Variants in FTO observed in about 807,000 individuals in gnomAD.
The protein encoded by FTO is alpha-ketoglutarate-dependent dioxygenase FTO.
Under a neutral mutation model 63.9 loss-of-function variants are expected in FTO, and 47 were observed. That is an observed-to-expected ratio of 0.74 (90% CI 0.58 to 0.94). FTO has a LOEUF of 0.94. Ranked by LOEUF, FTO falls within the 40% of genes least tolerant of loss-of-function variation. The pLI is 0.00. For synonymous variants in FTO, 207 were observed against 224.4 expected, an observed-to-expected ratio of 0.92 and a Z score of 0.69; for missense variants, 562 against 618.1, an observed-to-expected ratio of 0.91 and a Z score of 0.96.
rs779497783 is a variant in FTO at position 53,889,000 on chromosome 16, C to G, written c.1239+49C>G. ...GTGTTTTCTGGGCTGCTGTGTTATACAAATCCTCCACTGCCTCATTTGCTT... is the reference window on the plus strand; with the variant it reads ...GTGTTTTCTGGGCTGCTGTGTTATAGAAATCCTCCACTGCCTCATTTGCTT... On this transcript the variant is annotated intron_variant, in intron 7 of 8. Transcript: ENST00000471389. The G allele has an allele frequency of 1.0e-5, 16 of 1,598,110 alleles. No individual in the cohort carries two copies. The East Asian group carries it at 3.6e-4, about 36-fold the overall frequency.
intron 8 of FTO, among the ~76,000 whole-genome samples, chr16:53,983,971 T>A (rs1339195386): frequency 1.3e-5 from 2 of 152,210 alleles, no homozygotes; most frequent in Non-Finnish European, 2.9e-5. Context: ...AGCCACTAGG[T>A]TGTAACTTCA....
chr16:53,977,727 C>T (rs1257023984), intron 8 of FTO, among the ~76,000 whole-genome samples: 1 of 152,130 alleles, frequency 6.6e-6, no homozygotes, highest in East Asian at 1.9e-4. Context: ...ATTTCTTTGA[C>T]ATCTTTATGA....
chr16:54,045,207 G>A (rs371082421), intron 8 of FTO, among the ~76,000 whole-genome samples: 1 of 24,482 alleles, frequency 4.1e-5, no homozygotes, highest in Non-Finnish European at 5.9e-5. Flanking sequence ...TTGATAGACC[G>A]CTAGCAAGAC....
chr16:53,707,889 T>A (rs1235496117), intron 1 of FTO, among the ~76,000 whole-genome samples: 2 of 152,212 alleles, frequency 1.3e-5, no homozygotes, highest in Non-Finnish European at 2.9e-5. Flanking sequence ...TCAATTCTAC[T>A]TCCTCCCTAG....
intron 8 of FTO, among the ~76,000 whole-genome samples, chr16:53,940,182 A>C (rs1463760974): frequency 6.6e-6 from 1 of 151,636 alleles, no homozygotes; most frequent in Non-Finnish European, 1.5e-5. Context: ...TGGACTGTAG[A>C]TATCCTAGTG....
At chr16:53,751,192 G>C (rs1243588070) in intron 1 of FTO, among the ~76,000 whole-genome samples, 2 of 151,976 alleles carry the variant, frequency 1.3e-5, no homozygotes, top group African/African-American at 4.8e-5. Context: ...GAGATCACTT[G>C]AGCTCAGGAG....
intron 1 of FTO, among the ~76,000 whole-genome samples, chr16:53,770,366 G>A (rs934891573): frequency 5.3e-5 from 8 of 152,116 alleles, no homozygotes; most frequent in African/African-American, 1.9e-4. Context: ...ATTATAATTA[G>A]TCATAAATGA....
chr16:53,811,130 T>C (rs1353969261), intron 2 of FTO, among the ~76,000 whole-genome samples: 1 of 152,096 alleles, frequency 6.6e-6, no homozygotes, highest in Non-Finnish European at 1.5e-5. Context: ...GGGGTTGGAG[T>C]GAGAGTACTC....
intron 3 of FTO, among the ~76,000 whole-genome samples, chr16:53,837,850 C>A (rs966425106): frequency 3.3e-5 from 5 of 152,182 alleles, no homozygotes; most frequent in African/African-American, 1.2e-4. Context: ...ACAGATCTGA[C>A]TGGTGAAAAA....
intron 1 of FTO, among the ~76,000 whole-genome samples, chr16:53,710,100 G>A (rs968399320): frequency 6.6e-6 from 1 of 151,808 alleles, no homozygotes; most frequent in African/African-American, 2.4e-5. Context: ...GTCCTTTCAT[G>A]TCCTTTAAAT....
chr16:53,839,817 T>TTATTTATA (rs1276282851), intron 3 of FTO, among the ~76,000 whole-genome samples: 1 of 62,788 alleles, frequency 1.6e-5, no homozygotes, highest in African/African-American at 8.1e-5. Context: ...ATTTATTTAT[T>TTATTTATA]TATTTTAAGG....
intron 8 of FTO, among the ~76,000 whole-genome samples, chr16:54,015,027 A>AT (rs11388596): frequency 0.32 from 47,642 of 149,680 alleles, 9,532 homozygotes; most frequent in African/African-American, 0.56. Context: ...GGCTAATTAA[A>AT]TTTTTTTTTT....
intron 8 of FTO, among the ~76,000 whole-genome samples, chr16:53,986,582 T>C (rs1303731400): frequency 1.3e-5 from 2 of 152,230 alleles, no homozygotes; most frequent in Non-Finnish European, 2.9e-5. Flanking sequence ...AGTTGGGAGC[T>C]GATTTCTGAT....
At chr16:54,074,351 A>C (rs925865250) in intron 8 of FTO, among the ~76,000 whole-genome samples, 5 of 152,192 alleles carry the variant, frequency 3.3e-5, no homozygotes, top group Non-Finnish European at 7.3e-5. Context: ...AGTATAAAAC[A>C]GAAAGGAAAA....
chr16:53,826,176 C>A lies in FTO; in HGVS notation c.436C>A (p.Leu146Met), dbSNP rs182784714. The change falls in exon 3 of 9, where the codon CTG becomes ATG. Residue 146 changes from leucine to methionine, a missense_variant. Physicochemically the swap from Leu to Met is conservative, Grantham distance 15. Coordinates refer to ENST00000471389, the MANE Select transcript of FTO (RefSeq NM_001080432.3). ...CETFLKLNDY[L>M]QIETIQALEE... is the part of the protein sequence containing the mutation. ...GACCTTCCTCAAGCTCAATGACTACCTGCAGATAGAAACCATCCAGGCTTT... is the reference window on the plus strand; with the variant it reads ...GACCTTCCTCAAGCTCAATGACTACATGCAGATAGAAACCATCCAGGCTTT... 903 of 1,614,052 alleles carry A rather than the reference C, an allele frequency of 5.6e-4. 1 individual carries two copies. The highest frequency in any genetic ancestry group is 7.1e-4 in the Non-Finnish European group (835 of 1,180,038).
At chr16:53,783,843 C>T (rs898948899) in intron 1 of FTO, among the ~76,000 whole-genome samples, 41 of 151,836 alleles carry the variant, frequency 2.7e-4, no homozygotes, top group African/African-American at 9.9e-4. Context: ...TGTCTTTTAC[C>T]TTCCTGCTTT....
intron 7 of FTO, among the ~76,000 whole-genome samples, chr16:53,928,557 C>A (rs1457541180): frequency 1.3e-5 from 2 of 151,958 alleles, no homozygotes; most frequent in African/African-American, 4.8e-5. Flanking sequence ...TTCTTTTCAC[C>A]CTAAATTTTA....
intron 8 of FTO, among the ~76,000 whole-genome samples, chr16:54,022,338 G>A (rs1241068329): frequency 2.6e-5 from 4 of 152,024 alleles, no homozygotes; most frequent in East Asian, 1.9e-4. Context: ...AACAACAACC[G>A]ACTTGCCCAG....
chr16:53,851,423 C>A (rs1291516469), intron 4 of FTO, among the ~76,000 whole-genome samples: 2 of 149,694 alleles, frequency 1.3e-5, no homozygotes, highest in African/African-American at 4.9e-5. Context: ...TGCACCACTG[C>A]ACTCCAGCCT....
Sources: gnomAD v4.1 joint callset for allele counts (sites outside exome capture counted in the v4.1 genomes callset) on GRCh38, gnomAD v4.1.1 for gene constraint, MANE v1.5 for transcripts, NCBI Gene and HGNC (gene_info 2026-07-23, HGNC 2026-07-21) for gene names.